Variants in KIAA1217 observed in about 807,000 individuals in gnomAD.
The protein encoded by KIAA1217 is KIAA1217.
KIAA1217 carries 88 observed loss-of-function variants against 163.9 expected under a neutral mutation model. That is an observed-to-expected ratio of 0.54 (90% CI 0.45 to 0.64). The LOEUF is 0.64. Among genes scored for constraint, KIAA1217 ranks in the 30% least tolerant of loss-of-function variants. The pLI is 0.00. For missense variants in KIAA1217, 2,372 were observed against 2,475.0 expected (o/e 0.96, Z 0.88); for synonymous variants, 903 against 923.1 (o/e 0.98, Z 0.39).
intron 2 of KIAA1217, among the ~76,000 whole-genome samples, chr10:24,117,974 A>G (rs1475354308): frequency 6.6e-6 from 1 of 152,096 alleles, no homozygotes; most frequent in Non-Finnish European, 1.5e-5. Flanking sequence ...AACCTGGGAA[A>G]TGAATGTGAA....
At chr10:24,342,132 A>G (rs981848830) in intron 2 of KIAA1217, among the ~76,000 whole-genome samples, 1 of 152,248 alleles carries the variant, frequency 6.6e-6, no homozygotes, top group Admixed American at 6.5e-5. Context: ...AGCTCTGTGT[A>G]CAAATACACA....
intron 3 of KIAA1217, among the ~76,000 whole-genome samples, chr10:24,389,393 G>A (rs1462906162): frequency 1.3e-5 from 2 of 152,012 alleles, no homozygotes; most frequent in African/African-American, 4.8e-5. Context: ...ACACACTGGG[G>A]CCTGTGGTGG....
intron 5 of KIAA1217, among the ~76,000 whole-genome samples, chr10:24,462,247 A>G (rs977364507): frequency 1.3e-5 from 2 of 152,076 alleles, no homozygotes. Context: ...AGTAGATAAA[A>G]CCTAATTGTA....
chr10:24,275,306 A>G (rs745355643), intron 2 of KIAA1217, among the ~76,000 whole-genome samples: 3 of 152,134 alleles, frequency 2.0e-5, no homozygotes, highest in East Asian at 1.9e-4. Context: ...TAGTGAAGTC[A>G]CTCACACACA....
At chr10:23,901,767 G>A (rs1229172276) in intron 1 of KIAA1217, among the ~76,000 whole-genome samples, 2 of 151,662 alleles carry the variant, frequency 1.3e-5, no homozygotes, top group Non-Finnish European at 1.5e-5. Flanking sequence ...GAAAATTAGT[G>A]TGGTGTGGTG....
chr10:24,199,845 C>G (rs2067166420), intron 2 of KIAA1217, among the ~76,000 whole-genome samples: 2 of 151,810 alleles, frequency 1.3e-5, no homozygotes, highest in Non-Finnish European at 2.9e-5. Flanking sequence ...ACCTAAGAAC[C>G]TTGGGTTATT....
At chr10:23,696,692 A>G (rs1006501825) in intron 1 of KIAA1217, among the ~76,000 whole-genome samples, 4 of 152,184 alleles carry the variant, frequency 2.6e-5, no homozygotes, top group African/African-American at 7.2e-5. Flanking sequence ...CTTGCTCTAC[A>G]GGGAAGGGCA....
chr10:24,086,811 TC>T (rs1251657323), intron 2 of KIAA1217, among the ~76,000 whole-genome samples: 2 of 152,202 alleles, frequency 1.3e-5, no homozygotes, highest in Non-Finnish European at 2.9e-5. Flanking sequence ...TGATCTTTGC[TC>T]CTGGTTTCCT....
At chr10:23,819,464 C>T (rs1837517742) in intron 1 of KIAA1217, among the ~76,000 whole-genome samples, 1 of 152,094 alleles carries the variant, frequency 6.6e-6, no homozygotes, top group Admixed American at 6.6e-5. Context: ...CTGCTGACAC[C>T]AGTGAGCTCC....
At chr10:23,707,092 T>A (rs1343706432) in intron 1 of KIAA1217, among the ~76,000 whole-genome samples, 1 of 152,192 alleles carries the variant, frequency 6.6e-6, no homozygotes, top group African/African-American at 2.4e-5. Context: ...TAGACCTGAC[T>A]CCTGTCCTAT....
chr10:24,323,833 T>TGTGTGTGTGTG (rs2044500123), intron 2 of KIAA1217, among the ~76,000 whole-genome samples: 5 of 128,032 alleles, frequency 3.9e-5, no homozygotes, highest in African/African-American at 1.7e-4. Context: ...GTGTGTGTGT[T>TGTGTGTGTGTG]TGACTAACTT....
At chr10:24,330,174 C>T (rs2045479669) in intron 2 of KIAA1217, among the ~76,000 whole-genome samples, 2 of 151,998 alleles carry the variant, frequency 1.3e-5, no homozygotes, top group South Asian at 2.1e-4. Context: ...GTGGCGTGCA[C>T]CTGTAATCCC....
chr10:24,383,585 C>A (rs2053609381), intron 3 of KIAA1217, among the ~76,000 whole-genome samples: 1 of 152,214 alleles, frequency 6.6e-6, no homozygotes, highest in African/African-American at 2.4e-5. Flanking sequence ...TCACAGCAGG[C>A]TGAAAAATGC....
intron 2 of KIAA1217, among the ~76,000 whole-genome samples, chr10:24,241,308 A>G (rs2073065397): frequency 6.6e-6 from 1 of 152,248 alleles, no homozygotes; most frequent in African/African-American, 2.4e-5. Context: ...TCCCAGCAGC[A>G]GCAATGATTC....
chr10:23,790,544 C>CAT lies in KIAA1217; in HGVS notation c.-321+95316_-321+95317dup, dbSNP rs1491497874. Reference sequence around the variant, plus strand: ...ATATACATATATACATATACATGTGCATATATACATATGTACATATGTATA... The same window carrying CAT: ...ATATACATATATACATATACATGTGCATATATATACATATGTACATATGTATA... On this transcript the variant is annotated intron_variant, in intron 1 of 18. Transcript: ENST00000376462. Among the ~76,000 whole-genome samples, 2 of 93,564 alleles carry CAT rather than the reference C, an allele frequency of 2.1e-5. 1 individual carries two copies. Among genetic ancestry groups the CAT allele is most frequent in the South Asian group, 5.9e-4 (2 of 3,366 alleles). 61.4% of individuals were successfully genotyped at this position (93,564 alleles called of 152,430 possible).
chr10:23,808,560 A>G (rs1836847186), intron 1 of KIAA1217, among the ~76,000 whole-genome samples: 1 of 152,136 alleles, frequency 6.6e-6, no homozygotes, highest in African/African-American at 2.4e-5. Context: ...GAAAAAAGCA[A>G]ATGGGTTGAG....
At chr10:24,278,015 C>T (rs919516919) in intron 2 of KIAA1217, among the ~76,000 whole-genome samples, 18 of 152,128 alleles carry the variant, frequency 1.2e-4, no homozygotes, top group African/African-American at 1.7e-4. Flanking sequence ...CCTTTGAGGA[C>T]GGACGCACAG....
At chr10:24,402,787 G>A (rs2056736375) in intron 3 of KIAA1217, among the ~76,000 whole-genome samples, 1 of 152,164 alleles carries the variant, frequency 6.6e-6, no homozygotes, top group Admixed American at 6.5e-5. Context: ...TTCATCAAAT[G>A]TGGTTTACAA....
Position 24,190,016 on chromosome 10 carries a change from G to A in KIAA1217, c.-170-29610G>A, listed in dbSNP as rs530276614. On this transcript the variant is annotated intron_variant, in intron 2 of 18. Coordinates refer to the KIAA1217 transcript ENST00000376462. The stretch of plus-strand genomic sequence containing the variant: ...AGCCTGGGTGACAGAGTGAGACTCT[G>A]TCTCTATTTAAAAAAAAAAAAAAAA... 4.1e-3 allele frequency among the ~76,000 whole-genome samples: 601 copies of A among 144,946 alleles called. 4 individuals carry two copies. The highest frequency in any genetic ancestry group is 0.015 in the African/African-American group (574 of 38,732).
Sources: allele counts gnomAD v4.1 joint callset (sites outside exome capture counted in the v4.1 genomes callset), GRCh38; gene constraint gnomAD v4.1.1; transcripts MANE v1.5; gene names NCBI Gene and HGNC (gene_info 2026-07-23, HGNC 2026-07-21).